Variants in ACP3 observed in about 807,000 individuals in gnomAD.
ACP3 encodes prostatic acid phosphatase.
Under a neutral mutation model 45.6 loss-of-function variants are expected in ACP3, and 38 were observed. That is an observed-to-expected ratio of 0.83 (90% CI 0.64 to 1.09). ACP3 has a LOEUF of 1.09. Ranked by LOEUF, ACP3 falls within the 50% of genes least tolerant of loss-of-function variation. ACP3 has a pLI of 0.00. For missense variants in ACP3, 466 were observed against 463.2 expected, an observed-to-expected ratio of 1.01 and a Z score of -0.05; for synonymous variants, 162 against 164.7, an observed-to-expected ratio of 0.98 and a Z score of 0.13.
rs1433314177 is a variant in ACP3, at chr3:132,345,015, T to C, written c.737T>C (p.Leu246Pro). 6.8e-6 allele frequency: 11 copies of C among 1,613,790 alleles called. No homozygotes were observed. The highest frequency in any genetic ancestry group is 9.3e-6 in the Non-Finnish European group (11 of 1,179,836). The change falls in exon 7 of 10, where the codon CTC becomes CCC. Residue 246 changes from leucine to proline, a missense_variant. Transcript: ENST00000336375. ...TTGTCAGAATTGTCCCTCCTGTCCC[T>C]CTATGGAATTCACAAGCAGAAAGAG... is the stretch of plus-strand genomic sequence containing the variant. ...RELSELSLLS[L>P]YGIHKQKEKS...
At chr3:132,336,907 T>C (rs143038582) in intron 4 of ACP3, among the ~76,000 whole-genome samples, 3 of 152,344 alleles carry the variant, frequency 2.0e-5, no homozygotes, top group Non-Finnish European at 4.4e-5. Context: ...AAGTTCACTT[T>C]GTCCTCACAA....
At position 132,357,352 on chromosome 3, in the gene ACP3, C is replaced by A. The variant is rs2239698; in HGVS notation, c.*474C>A. ...TGTGAATAGGCTGATGGGCAAAAAACCAATTTACCCATCAGTTCCAGCCTT... is the reference window on the plus strand; with the variant it reads ...TGTGAATAGGCTGATGGGCAAAAAAACAATTTACCCATCAGTTCCAGCCTT... On this transcript the variant is annotated 3_prime_UTR_variant, in exon 10 of 10. Coordinates refer to ENST00000336375, the MANE Select transcript of ACP3 (RefSeq NM_001099.5). The A allele has an allele frequency of 0.036, 35,146 of 985,326 alleles. 1,754 individuals are homozygous for A. In the East Asian group the frequency reaches 0.48, roughly 14 times the overall value. 61.0% of individuals were successfully genotyped at this position (985,326 alleles called of 1,614,324 possible).
chr3:132,365,973 C>T (rs1188094022), intron 10 of ACP3, among the ~76,000 whole-genome samples: 1 of 145,040 alleles, frequency 6.9e-6, no homozygotes, highest in Non-Finnish European at 1.5e-5. Context: ...TTGGGCAACA[C>T]AGCAAGACTC....
intron 4 of ACP3, 106 bp downstream of exon 4, chr3:132,332,450 C>A: frequency 8.0e-7 from 1 of 1,252,748 alleles, no homozygotes; most frequent in Non-Finnish European, 1.1e-6. Context: ...TTGAGCTGTG[C>A]AGTTTTAATT....
In ACP3 at chr3:132,357,778, AATCCC is replaced by A. The variant is rs1478926980; in HGVS notation, c.*902_*906del. On this transcript the variant is annotated 3_prime_UTR_variant, in exon 10 of 10. Transcript: ENST00000336375. ...GCCAGGCATGGTGGTTTACGCCTAT[AATCCC>A]AGCATTTTGGGAGTCCGAGGTGGGC... The A allele has an allele frequency of 1.0e-6, 1 of 982,818 alleles. No homozygotes were observed. The highest frequency in any genetic ancestry group is 1.2e-6 in the Non-Finnish European group (1 of 827,724). 60.9% of individuals were successfully genotyped at this position (982,818 alleles called of 1,614,324 possible).
chr3:132,338,339 G>C (rs1398572646), intron 5 of ACP3, among the ~76,000 whole-genome samples: 7 of 150,760 alleles, frequency 4.6e-5, no homozygotes, highest in Non-Finnish European at 1.0e-4. Flanking sequence ...TGTATGTAAA[G>C]AGTTTCCTCC....
At chr3:132,363,189 T>C (rs1938074225), downstream of ACP3, among the ~76,000 whole-genome samples, 2 of 152,248 alleles carry the variant, frequency 1.3e-5, no homozygotes. Flanking sequence ...ACATTCAGTA[T>C]TAGCCAGTAT....
At chr3:132,317,687 C>G in intron 1 of ACP3, 111 bp downstream of exon 1, 1 of 1,252,254 alleles carries the variant, frequency 8.0e-7, no homozygotes, top group East Asian at 2.7e-5. Context: ...AGAGACCAGG[C>G]TCTGTTCAAA....
Position 132,356,990 on chromosome 3 carries a change from GATT to G in ACP3, c.*116_*118del. 2.1e-6 allele frequency: 3 copies of G among 1,422,572 alleles called. No homozygotes were observed. The highest frequency in any genetic ancestry group is 9.2e-7 in the Non-Finnish European group (1 of 1,088,810). 88.1% of individuals were successfully genotyped at this position (1,422,572 alleles called of 1,614,324 possible). On this transcript the variant is annotated 3_prime_UTR_variant, in exon 10 of 10. Coordinates refer to ENST00000336375, the MANE Select transcript of ACP3 (RefSeq NM_001099.5). ...GCTTTGAGGAAAATGGGCTTTGGAT[GATT>G]ATTTTATGTTTTAGGGACCCCCAAC...
At chr3:132,349,353 C>T (rs1346677179) in intron 7 of ACP3, among the ~76,000 whole-genome samples, 1 of 152,138 alleles carries the variant, frequency 6.6e-6, no homozygotes, top group African/African-American at 2.4e-5. Context: ...CCTAGGGTAA[C>T]CTGGAGAAAT....
chr3:132,367,676 C>T, intron 10 of ACP3: 3 of 1,488,532 alleles, frequency 2.0e-6, no homozygotes, highest in Non-Finnish European at 2.8e-6. Flanking sequence ...ATTAATTTTA[C>T]ATTAATACTT....
intron 7 of ACP3, among the ~76,000 whole-genome samples, chr3:132,347,102 TGAG>T (rs1937618751): frequency 1.3e-5 from 2 of 152,204 alleles, no homozygotes; most frequent in Admixed American, 1.3e-4. Context: ...TCACTACCTA[TGAG>T]GAGATTAAAC....
intron 9 of ACP3, among the ~76,000 whole-genome samples, chr3:132,356,079 T>C (rs1294989110): frequency 6.6e-6 from 1 of 152,164 alleles, no homozygotes; most frequent in Non-Finnish European, 1.5e-5. Flanking sequence ...AGATAAAGCA[T>C]TGAGAGAGCT....
chr3:132,324,945 ATTG>A (rs925793987), intron 1 of ACP3, among the ~76,000 whole-genome samples: 4 of 152,126 alleles, frequency 2.6e-5, no homozygotes, highest in Admixed American at 2.6e-4. Flanking sequence ...CTGGCCAGGA[ATTG>A]TTATTATCTT....
chr3:132,322,035 A>G (rs1400660774), intron 1 of ACP3, among the ~76,000 whole-genome samples: 2 of 152,202 alleles, frequency 1.3e-5, no homozygotes, highest in African/African-American at 4.8e-5. Flanking sequence ...CACGAAAGGA[A>G]ATTGAGGAAA....
At chr3:132,329,913 C>CTTTTT (rs59644798) in intron 2 of ACP3, among the ~76,000 whole-genome samples, 3 of 119,928 alleles carry the variant, frequency 2.5e-5, no homozygotes, top group South Asian at 2.7e-4. Context: ...TGTCTAGGTA[C>CTTTTT]TTTTTTTTTT....
intron 7 of ACP3, among the ~76,000 whole-genome samples, chr3:132,349,113 A>G (rs1301614981): frequency 6.6e-6 from 1 of 151,986 alleles, no homozygotes; most frequent in Non-Finnish European, 1.5e-5. Flanking sequence ...TCTCTGAAGC[A>G]ACATGTCCTT....
chr3:132,361,698 A>G (rs746650785), downstream of ACP3, among the ~76,000 whole-genome samples: 2 of 152,164 alleles, frequency 1.3e-5, no homozygotes, highest in Non-Finnish European at 2.9e-5. Flanking sequence ...GTCTGACTCC[A>G]TTTTGTTTTC....
intron 8 of ACP3, among the ~76,000 whole-genome samples, chr3:132,352,202 A>C (rs997807846): frequency 1.3e-5 from 2 of 151,792 alleles, no homozygotes; most frequent in African/African-American, 4.8e-5. Flanking sequence ...TTATTTTTAA[A>C]ATTATTTTAT....
Sources: allele counts gnomAD v4.1 joint callset (sites outside exome capture counted in the v4.1 genomes callset), GRCh38; gene constraint gnomAD v4.1.1; transcripts MANE v1.5; gene names NCBI Gene and HGNC (gene_info 2026-07-23, HGNC 2026-07-21).